Variants in SGCZ observed in about 807,000 individuals in gnomAD.
The protein encoded by SGCZ is sarcoglycan zeta, also known as zeta-sarcoglycan.
A neutral mutation model predicts 41.3 loss-of-function variants in SGCZ; 40 were observed. The ratio of observed to expected loss-of-function variants is 0.97; its 90% CI spans 0.75 to 1.26. The LOEUF (loss-of-function observed/expected upper bound fraction) is 1.26. Ranked by LOEUF, SGCZ falls within the 50% of genes most tolerant of loss-of-function variation. SGCZ has a pLI of 0.00. For missense variants in SGCZ, 552 were observed against 369.8 expected (o/e 1.49, Z -4.04); for synonymous variants, 206 against 137.5 (o/e 1.50, Z -3.49).
At chr8:14,852,310 T>A (rs1803358455) in intron 1 of SGCZ, among the ~76,000 whole-genome samples, 2 of 152,194 alleles carry the variant, frequency 1.3e-5, no homozygotes, top group Admixed American at 6.5e-5. Flanking sequence ...AGGTAAAATG[T>A]ATTCTACAGT....
chr8:14,640,312 T>A (rs1345347421), intron 1 of SGCZ, among the ~76,000 whole-genome samples: 1 of 151,772 alleles, frequency 6.6e-6, no homozygotes, highest in Non-Finnish European at 1.5e-5. Flanking sequence ...TTTGGGTACA[T>A]AATTCTACAT....
intron 4 of SGCZ, among the ~76,000 whole-genome samples, chr8:14,175,142 T>C (rs990407011): frequency 7.2e-5 from 11 of 152,094 alleles, no homozygotes; most frequent in African/African-American, 1.9e-4. Context: ...TTCAATGCCC[T>C]AGAAGAAAAA....
chr8:14,751,965 C>T (rs1295464269), intron 1 of SGCZ, among the ~76,000 whole-genome samples: 1 of 148,918 alleles, frequency 6.7e-6, no homozygotes, highest in African/African-American at 2.5e-5. Flanking sequence ...AAAAAAAACA[C>T]CTTAGAGGAT....
intron 7 of SGCZ, among the ~76,000 whole-genome samples, chr8:14,099,742 T>C (rs1801954152): frequency 1.3e-5 from 2 of 152,136 alleles, no homozygotes; most frequent in Admixed American, 1.3e-4. Flanking sequence ...AAATGCTTTA[T>C]TAATTATTTT....
intron 1 of SGCZ, among the ~76,000 whole-genome samples, chr8:15,113,654 C>G (rs1036222056): frequency 6.6e-6 from 1 of 152,136 alleles, no homozygotes; most frequent in South Asian, 2.1e-4. Context: ...TGCTTTCAGT[C>G]CCCCTTCCTC....
At chr8:14,873,047 G>C (rs1212071066) in intron 1 of SGCZ, among the ~76,000 whole-genome samples, 2 of 152,118 alleles carry the variant, frequency 1.3e-5, no homozygotes, top group Non-Finnish European at 2.9e-5. Context: ...CAAGATGTAA[G>C]TTAGAAGGAG....
intron 2 of SGCZ, among the ~76,000 whole-genome samples, chr8:14,363,784 G>A (rs952901465): frequency 3.3e-5 from 5 of 152,012 alleles, no homozygotes; most frequent in African/African-American, 2.4e-5. Flanking sequence ...ATTTCCTGTC[G>A]AAAAACATTC....
intron 3 of SGCZ, among the ~76,000 whole-genome samples, chr8:14,240,929 G>A (rs1347981585): frequency 6.6e-6 from 1 of 152,108 alleles, no homozygotes; most frequent in East Asian, 1.9e-4. Context: ...AGTCATTTAA[G>A]GGAGATACAA....
At chr8:14,499,413 T>A (rs1466644748) in intron 2 of SGCZ, among the ~76,000 whole-genome samples, 1 of 152,038 alleles carries the variant, frequency 6.6e-6, no homozygotes. Flanking sequence ...TTTCTTCATC[T>A]TTTTGGTTTT....
chr8:14,905,525 T>G (rs568573294), intron 1 of SGCZ, among the ~76,000 whole-genome samples: 1 of 152,094 alleles, frequency 6.6e-6, no homozygotes, highest in South Asian at 2.1e-4. Flanking sequence ...CAGTATTTGA[T>G]AAAACTGGGT....
intron 1 of SGCZ, among the ~76,000 whole-genome samples, chr8:14,851,386 A>AG (rs903891983): frequency 7.3e-5 from 11 of 150,078 alleles, no homozygotes; most frequent in African/African-American, 1.2e-4. Flanking sequence ...AAAAAAAAAA[A>AG]AAAAGAAAAA....
chr8:14,772,862 G>C (rs371465988), intron 1 of SGCZ, among the ~76,000 whole-genome samples: 19 of 152,004 alleles, frequency 1.2e-4, no homozygotes, highest in Admixed American at 1.1e-3. Flanking sequence ...AGTCTTTGCT[G>C]TTGTGAATAG....
rs751436988 is a variant in SGCZ, at chr8:14,237,703, T to A, written c.337-24A>T. Reference sequence around the variant, plus strand: ...TCCTGGGAAACATGTATAAAATAAATAAATAGAAAATAGAAATATCGTCAA... The same window carrying A: ...TCCTGGGAAACATGTATAAAATAAAAAAATAGAAAATAGAAATATCGTCAA... On this transcript the variant is annotated intron_variant, in intron 3 of 7. Coordinates refer to ENST00000382080, the MANE Select transcript of SGCZ (RefSeq NM_139167.4). 2.5e-6 allele frequency: 4 copies of A among 1,585,312 alleles called. No individual in the cohort carries two copies. The South Asian group carries it at 4.6e-5, about 18-fold the overall frequency.
At chr8:15,038,804 T>C (rs7002820) in intron 1 of SGCZ, among the ~76,000 whole-genome samples, 7,492 of 126,084 alleles carry the variant, frequency 0.059, 669 homozygotes, top group African/African-American at 0.22. Flanking sequence ...GGACCTGAAC[T>C]GACATTTCTC....
chr8:15,145,893 C>G (rs557849464), intron 1 of SGCZ, among the ~76,000 whole-genome samples: 1 of 152,098 alleles, frequency 6.6e-6, no homozygotes, highest in African/African-American at 2.4e-5. Flanking sequence ...TCCTCTGCCT[C>G]CCTAGAACTT....
chr8:15,068,942 T>G (rs1362429688), intron 1 of SGCZ, among the ~76,000 whole-genome samples: 2 of 152,190 alleles, frequency 1.3e-5, no homozygotes, highest in African/African-American at 2.4e-5. Context: ...ACTTCCATTT[T>G]TCTGTTTTAC....
chr8:14,243,287 A>G (rs1022442497), intron 3 of SGCZ, among the ~76,000 whole-genome samples: 49 of 152,192 alleles, frequency 3.2e-4, no homozygotes, highest in African/African-American at 1.2e-3. Context: ...ATTTGCCAAC[A>G]AATCTACCTT....
intron 1 of SGCZ, among the ~76,000 whole-genome samples, chr8:14,799,395 A>C (rs1034833663): frequency 1.3e-5 from 2 of 152,204 alleles, no homozygotes; most frequent in Admixed American, 6.5e-5. Flanking sequence ...TTTGATTTCC[A>C]GGAGAACCCC....
rs181525643 is a variant in SGCZ at position 14,139,635 on chromosome 8, C to A, written c.547+24945G>T. Among the ~76,000 whole-genome samples the A allele has an allele frequency of 6.6e-5, 10 of 152,102 alleles. No individual in the cohort carries two copies. In the East Asian group the frequency reaches 1.7e-3, roughly 26 times the overall value. On this transcript the variant is annotated intron_variant, in intron 5 of 7. Coordinates refer to ENST00000382080, the MANE Select transcript of SGCZ (RefSeq NM_139167.4). ...ACACATACACCCTCGCAAGACTAAA[C>A]CAGGAAGAAGTTGAATCCCTGAATA...
Sources: allele counts gnomAD v4.1 joint callset (sites outside exome capture counted in the v4.1 genomes callset), GRCh38; gene constraint gnomAD v4.1.1; transcripts MANE v1.5; gene names NCBI Gene and HGNC (gene_info 2026-07-23, HGNC 2026-07-21).